The following XKR9 variants were observed in gnomAD, a reference collection of about 807,000 sequenced individuals.
The protein encoded by XKR9 is XK related 9.
A neutral mutation model predicts 32.0 loss-of-function variants in XKR9; 32 were observed. The ratio of observed to expected loss-of-function variants is 1.00; its 90% CI spans 0.76 to 1.34. XKR9 has a LOEUF of 1.34. Ranked by LOEUF, XKR9 falls within the 40% of genes most tolerant of loss-of-function variation. The pLI, the probability that XKR9 is intolerant of heterozygous loss-of-function variation, is 0.00. For missense variants in XKR9, 546 were observed against 429.7 expected, an observed-to-expected ratio of 1.27 and a Z score of -2.39; for synonymous variants, 168 against 143.4, an observed-to-expected ratio of 1.17 and a Z score of -1.22.
intron 2 of XKR9, among the ~76,000 whole-genome samples, chr8:70,741,712 A>G (rs979566097): frequency 2.6e-5 from 4 of 152,304 alleles, no homozygotes; most frequent in African/African-American, 9.6e-5. Context: ...TGCAACAGTG[A>G]ACATGGGTTT....
chr8:70,813,710 C>T, the XKR9 span, among the ~76,000 whole-genome samples: 2 of 152,160 alleles, frequency 1.3e-5, no homozygotes, highest in Admixed American at 6.5e-5. Flanking sequence ...CATCACTGGC[C>T]GTCAGAGAAA....
intron 2 of XKR9, among the ~76,000 whole-genome samples, chr8:70,753,953 C>G (rs187784491): frequency 1.1e-3 from 135 of 122,266 alleles, no homozygotes; most frequent in African/African-American, 3.4e-3. Context: ...GGGTATTCAA[C>G]TAGGAAAAGA....
chr8:70,793,755 C>T (rs546180153), downstream of XKR9, among the ~76,000 whole-genome samples: 28 of 151,804 alleles, frequency 1.8e-4, no homozygotes, highest in South Asian at 5.0e-3. Flanking sequence ...ATTATTGTAG[C>T]TTTGTAGTAG....
intron 3 of XKR9, among the ~76,000 whole-genome samples, chr8:70,704,854 T>G (rs1213175887): frequency 1.3e-5 from 2 of 152,190 alleles, no homozygotes; most frequent in South Asian, 2.1e-4. Context: ...GCAGTATTAA[T>G]CATTTTTTTT....
At chr8:70,913,347 A>G in the XKR9 span, among the ~76,000 whole-genome samples, 1 of 152,186 alleles carries the variant, frequency 6.6e-6, no homozygotes, top group African/African-American at 2.4e-5. Context: ...AATAAAATAC[A>G]AAGTGTTACT....
At chr8:70,866,171 T>C in the XKR9 span, among the ~76,000 whole-genome samples, 2 of 152,230 alleles carry the variant, frequency 1.3e-5, no homozygotes, top group African/African-American at 4.8e-5. Context: ...AACATGATCA[T>C]CTCCATTTTA....
chr8:70,806,686 G>A, the XKR9 span, among the ~76,000 whole-genome samples: 1 of 151,994 alleles, frequency 6.6e-6, no homozygotes. Context: ...AGACCACCTT[G>A]CTGAAATAAG....
chr8:70,770,570 C>T (rs1807440332), intron 2 of XKR9, among the ~76,000 whole-genome samples: 1 of 151,986 alleles, frequency 6.6e-6, no homozygotes, highest in African/African-American at 2.4e-5. Flanking sequence ...ATCTGTAAGC[C>T]CCTGACTGGG....
chr8:70,772,849 T>A (rs530311370), intron 2 of XKR9, among the ~76,000 whole-genome samples: 5 of 152,244 alleles, frequency 3.3e-5, no homozygotes, highest in African/African-American at 1.2e-4. Context: ...TCTAGTTAGG[T>A]GTAAAGTAAA....
chr8:70,815,760 T>C, the XKR9 span, among the ~76,000 whole-genome samples: 1 of 151,990 alleles, frequency 6.6e-6, no homozygotes, highest in Admixed American at 6.6e-5. Context: ...CTCCTGACCT[T>C]GTGATCCACC....
the XKR9 span, among the ~76,000 whole-genome samples, chr8:70,908,927 G>T: frequency 2.6e-5 from 4 of 152,134 alleles, no homozygotes; most frequent in Admixed American, 6.5e-5. Flanking sequence ...AAAGTTCCTT[G>T]CCTTAACTCT....
the XKR9 span, among the ~76,000 whole-genome samples, chr8:71,009,470 T>C: frequency 6.6e-6 from 1 of 152,204 alleles, no homozygotes; most frequent in African/African-American, 2.4e-5. Context: ...AGACCATGTT[T>C]GAATCTTAGC....
chr8:71,019,688 T>C, the XKR9 span, among the ~76,000 whole-genome samples: 7 of 152,216 alleles, frequency 4.6e-5, no homozygotes, highest in Non-Finnish European at 1.0e-4. Context: ...TGTCTTAACC[T>C]TCAAATAGGA....
the XKR9 span, among the ~76,000 whole-genome samples, chr8:71,058,484 C>G: frequency 6.6e-6 from 1 of 152,284 alleles, no homozygotes; most frequent in Admixed American, 6.5e-5. Flanking sequence ...TACCACATTC[C>G]CATTAGTCTA....
At chr8:70,997,853 CTTCCCTCCCT>C in the XKR9 span, among the ~76,000 whole-genome samples, 1 of 152,190 alleles carries the variant, frequency 6.6e-6, no homozygotes, top group East Asian at 1.9e-4. Context: ...ATTAACTTTT[CTTCCCTCCCT>C]TTGAATGTGT....
chr8:70,836,693 A>G, the XKR9 span, among the ~76,000 whole-genome samples: 1 of 152,032 alleles, frequency 6.6e-6, no homozygotes, highest in African/African-American at 2.4e-5. Flanking sequence ...GGACATGTGC[A>G]TTCATATTTC....
At chr8:70,741,294 G>A (rs1028353614) in intron 2 of XKR9, among the ~76,000 whole-genome samples, 1 of 152,226 alleles carries the variant, frequency 6.6e-6, no homozygotes, top group Non-Finnish European at 1.5e-5. Flanking sequence ...ACCTGAGCTA[G>A]CACACTCTTG....
chr8:71,041,120 G>T, the XKR9 span, among the ~76,000 whole-genome samples: 2 of 152,106 alleles, frequency 1.3e-5, no homozygotes, highest in Admixed American at 6.5e-5. Context: ...GTCATAGTCT[G>T]TGTAAAGAAA....
chr8:70,949,469 T>C, the XKR9 span, among the ~76,000 whole-genome samples: 24 of 151,846 alleles, frequency 1.6e-4, no homozygotes, highest in African/African-American at 5.3e-4. Context: ...TTATATTAAA[T>C]CTTAATATAA....
Sources: gnomAD v4.1 joint callset for allele counts (sites outside exome capture counted in the v4.1 genomes callset) on GRCh38, gnomAD v4.1.1 for gene constraint, MANE v1.5 for transcripts, NCBI Gene and HGNC (gene_info 2026-07-23, HGNC 2026-07-21) for gene names.